MYCBPAP: variants seen among roughly 807,000 people sequenced by gnomAD.
MYCBPAP encodes MYCBP associated protein.
In MYCBPAP, 60 loss-of-function variants were observed where a neutral mutation model predicts 106.1. The observed-to-expected ratio is 0.57, with a 90% CI of 0.46 to 0.70. The LOEUF (loss-of-function observed/expected upper bound fraction) is 0.70. Ranked by LOEUF, MYCBPAP falls within the 30% of genes least tolerant of loss-of-function variation. The probability of loss-of-function intolerance (pLI) is 0.00; values close to 1 mark genes in which losing one functional copy is unlikely to be tolerated. For synonymous variants in MYCBPAP, 407 were observed against 440.6 expected (o/e 0.92, Z 0.95); for missense variants, 1,064 against 1,169.3 (o/e 0.91, Z 1.31).
In MYCBPAP at chr17:50,526,145, A is replaced by G. The variant is rs759004698; in HGVS notation, c.2047A>G (p.Lys683Glu). 2 of 1,613,698 alleles carry G rather than the reference A, an allele frequency of 1.2e-6. No individual in the cohort carries two copies. The highest frequency in any genetic ancestry group is 2.2e-5 in the South Asian group (2 of 91,074). The change falls in exon 14 of 19, where the codon AAG (lysine) becomes GAG (glutamate). Residue 683 changes from lysine to glutamate, a missense_variant. Transcript: ENST00000323776. ...ARVGTKSPQR[K>E]SIMEEILVEE... is the part of the protein sequence containing the mutation. ...AGTGGGGACCAAGAGTCCTCAGCGG[A>G]AGAGCATCATGGAGGAGATCCTGGT...
chr17:50,516,278 C>T (rs534470025), intron 1 of MYCBPAP, among the ~76,000 whole-genome samples: 10 of 152,196 alleles, frequency 6.6e-5, no homozygotes, highest in Non-Finnish European at 1.5e-4. Context: ...GCATGAGCCA[C>T]CACACCTGGC....
chr17:50,519,396 T>G (rs2034174745), intron 6 of MYCBPAP: 3 of 590,874 alleles, frequency 5.1e-6, no homozygotes, highest in Non-Finnish European at 8.9e-6. Context: ...TCCCCCACCT[T>G]TTTTTCTGGT....
In MYCBPAP at chr17:50,524,943, G is replaced by A; in HGVS notation, c.1702G>A (p.Val568Ile). 4 of 1,614,066 alleles carry A rather than the reference G, an allele frequency of 2.5e-6. No individual in the cohort carries two copies. The highest frequency in any genetic ancestry group is 3.4e-6 in the Non-Finnish European group (4 of 1,180,034). The change falls in exon 13 of 19, where the codon GTC (valine) becomes ATC (isoleucine). Residue 568 changes from valine (V) to isoleucine (I), a missense_variant. By Grantham distance (29) the Val-to-Ile change is conservative. Transcript: ENST00000323776. ...AGTGCTGCAGGAGCTGCTGATGGGGGTCTTGACCCCGGAGCGCACACCATC... is the reference window on the plus strand; with the variant it reads ...AGTGCTGCAGGAGCTGCTGATGGGGATCTTGACCCCGGAGCGCACACCATC... ...REVLQELLMG[V>I]LTPERTPSPV...
intron 13 of MYCBPAP, 30 bp downstream of exon 13, chr17:50,525,053 C>A: frequency 1.3e-6 from 2 of 1,593,584 alleles, no homozygotes; most frequent in Non-Finnish European, 1.7e-6. Flanking sequence ...CCTGCCCCCT[C>A]ATGTGTGCCC....
chr17:50,528,296 C>T (rs1167021599), intron 16 of MYCBPAP, 26 bp downstream of exon 16: 1 of 1,547,110 alleles, frequency 6.5e-7, no homozygotes, highest in South Asian at 1.1e-5. Flanking sequence ...ACCAACCACA[C>T]CTCTGCATAG....
At chr17:50,528,982 C>T (rs754728965) in intron 17 of MYCBPAP, 36 bp from the exon 18 acceptor site, 4 of 1,604,718 alleles carry the variant, frequency 2.5e-6, no homozygotes, top group Non-Finnish European at 3.4e-6. Context: ...ACCTCTGGAG[C>T]TCCTGAAGGC....
At position 50,530,497 on chromosome 17, in the gene MYCBPAP, C is replaced by CAAAAAAAAAA. The variant is rs10526790; in HGVS notation, c.2725-821_2725-820insAAAAAAAAAA. ...GTGACAAGAGTGAGACTCTTACCTC[C>CAAAAAAAAAA]AAAAAAAAAGAATCAACTTGCTGGC... On this transcript the variant is annotated intron_variant, in intron 18 of 18. Coordinates refer to ENST00000323776, the MANE Select transcript of MYCBPAP (RefSeq NM_032133.6). Among the ~76,000 whole-genome samples the CAAAAAAAAAA allele has an allele frequency of 1.1e-3, 120 of 105,894 alleles. 34 individuals are homozygous for CAAAAAAAAAA. The highest frequency in any genetic ancestry group is 0.011 in the Middle Eastern group (2 of 186). The allele number at this position is 105,894 out of a possible 152,430, so 69.5% of individuals were successfully genotyped here. A position where few individuals can be genotyped will look rare whatever the true frequency, so the allele number is the denominator to read the frequency against.
intron 18 of MYCBPAP, chr17:50,529,522 G>T: frequency 2.7e-6 from 1 of 375,422 alleles, no homozygotes. Context: ...AACTGCCATA[G>T]GAGGGAGGGG....
At chr17:50,523,217 C>A in intron 11 of MYCBPAP, 89 bp downstream of exon 11, 1 of 1,349,600 alleles carries the variant, frequency 7.4e-7, no homozygotes, top group Non-Finnish European at 1.0e-6. Flanking sequence ...TATGGCCCAG[C>A]TCCTGTAAGT....
chr17:50,522,852 C>T, intron 10 of MYCBPAP, 87 bp from the exon 11 acceptor site: 1 of 1,381,604 alleles, frequency 7.2e-7, no homozygotes, highest in Non-Finnish European at 9.9e-7. Flanking sequence ...AGTGCTAAAG[C>T]CAGAAAAGTC....
chr17:50,519,138 AG>A lies in MYCBPAP; in HGVS notation c.768+54del, dbSNP rs556069215. On this transcript the variant is annotated intron_variant, in intron 6 of 18. Transcript: ENST00000323776. Reference sequence around the variant, plus strand: ...CCGGGGGCAGGGGGGTCCATGGAGGAGGGGGCGGGGGCAGGTGTCTGGACAC... The same window carrying A: ...CCGGGGGCAGGGGGGTCCATGGAGGAGGGGCGGGGGCAGGTGTCTGGACAC... 4.3e-4 allele frequency: 202 copies of A among 467,838 alleles called. 4 individuals are homozygous for A. Among genetic ancestry groups the A allele is most frequent in the South Asian group, 1.8e-3 (82 of 45,310 alleles). 29.0% of individuals were successfully genotyped at this position (467,838 alleles called of 1,614,324 possible).
At chr17:50,519,977 G>C in intron 7 of MYCBPAP, 190 bp downstream of exon 7, 1 of 603,608 alleles carries the variant, frequency 1.7e-6, no homozygotes, top group South Asian at 2.2e-5. Context: ...TCAGTAAAAC[G>C]GTGAGAGAGC....
At chr17:50,508,904 G>T (rs1052183220) in intron 1 of MYCBPAP, 154 bp downstream of exon 1, 6 of 774,264 alleles carry the variant, frequency 7.7e-6, no homozygotes. Flanking sequence ...GACCCTTAGG[G>T]ATGGGGGGCA....
chr17:50,510,774 G>A (rs1448201559), intron 1 of MYCBPAP, among the ~76,000 whole-genome samples: 2 of 147,952 alleles, frequency 1.4e-5, no homozygotes, highest in Non-Finnish European at 3.0e-5. Flanking sequence ...TCCCACCTTG[G>A]CCTCCCAAAG....
At chr17:50,520,044 T>A in intron 7 of MYCBPAP, 1 of 396,198 alleles carries the variant, frequency 2.5e-6, no homozygotes. Flanking sequence ...TTGAGCCACA[T>A]GCCGCTGGTG....
At chr17:50,528,896 G>T (rs1413800996) in intron 17 of MYCBPAP, 56 bp downstream of exon 17, 1 of 1,603,970 alleles carries the variant, frequency 6.2e-7, no homozygotes, top group Non-Finnish European at 8.5e-7. Context: ...TGGAGGGGCT[G>T]CGGAGGTGGG....
At chr17:50,529,428 G>T in intron 18 of MYCBPAP, 1 of 482,760 alleles carries the variant, frequency 2.1e-6, no homozygotes, top group Non-Finnish European at 3.8e-6. Context: ...CCTCAGTGAG[G>T]AGGTGACAAC....
intron 1 of MYCBPAP, among the ~76,000 whole-genome samples, chr17:50,512,810 A>G (rs1013499266): frequency 6.6e-6 from 1 of 152,232 alleles, no homozygotes; most frequent in African/African-American, 2.4e-5. Flanking sequence ...GCACTGGCTC[A>G]TGCCTCTAAT....
intron 18 of MYCBPAP, 51 bp downstream of exon 18, chr17:50,529,239 C>A: frequency 6.5e-7 from 1 of 1,542,534 alleles, no homozygotes; most frequent in Non-Finnish European, 8.8e-7. Flanking sequence ...CTGCCTTATT[C>A]ATTCCGTTCA....
Sources: gnomAD v4.1 joint callset for allele counts (sites outside exome capture counted in the v4.1 genomes callset) on GRCh38, gnomAD v4.1.1 for gene constraint, MANE v1.5 for transcripts, NCBI Gene and HGNC (gene_info 2026-07-23, HGNC 2026-07-21) for gene names.